The following SEMA3C variants were observed in gnomAD, a reference collection of about 807,000 sequenced individuals.
SEMA3C encodes semaphorin 3C, also known as semaphorin-3C.
In SEMA3C, 47 loss-of-function variants were observed where a neutral mutation model predicts 89.4. The ratio of observed to expected loss-of-function variants is 0.53; its 90% CI spans 0.42 to 0.67. The LOEUF is 0.67. SEMA3C is among the 30% of genes least tolerant of loss of function. The pLI is 0.00. For synonymous variants in SEMA3C, 310 were observed against 320.2 expected (o/e 0.97, Z 0.34); for missense variants, 839 against 929.1 (o/e 0.90, Z 1.26).
chr7:80,897,975 T>C (rs987097811), intron 2 of SEMA3C, among the ~76,000 whole-genome samples: 3 of 152,202 alleles, frequency 2.0e-5, no homozygotes, highest in Non-Finnish European at 2.9e-5. Flanking sequence ...ATTAAAACTC[T>C]TGCCAATTGT....
chr7:80,871,749 T>C (rs1791064655), intron 2 of SEMA3C, among the ~76,000 whole-genome samples: 1 of 152,204 alleles, frequency 6.6e-6, no homozygotes, highest in Non-Finnish European at 1.5e-5. Context: ...TATGTATTTA[T>C]AAAGCAACAG....
At chr7:80,850,756 T>A (rs970205004) in intron 2 of SEMA3C, among the ~76,000 whole-genome samples, 2 of 152,202 alleles carry the variant, frequency 1.3e-5, no homozygotes, top group Non-Finnish European at 2.9e-5. Context: ...TCTATGCTCA[T>A]TTGTTGATAA....
At chr7:80,849,434 A>G (rs1185739298) in intron 2 of SEMA3C, among the ~76,000 whole-genome samples, 1 of 151,144 alleles carries the variant, frequency 6.6e-6, no homozygotes, top group East Asian at 2.1e-4. Context: ...CTGATCAACT[A>G]TAAGTTTCTT....
chr7:80,816,904 A>G (rs1232004373), intron 5 of SEMA3C, among the ~76,000 whole-genome samples: 1 of 152,226 alleles, frequency 6.6e-6, no homozygotes, highest in African/African-American at 2.4e-5. Context: ...CAATTCGTAC[A>G]TGGGAAAATA....
intron 5 of SEMA3C, among the ~76,000 whole-genome samples, chr7:80,815,674 G>C (rs1789590612): frequency 6.7e-6 from 1 of 150,240 alleles, no homozygotes; most frequent in Non-Finnish European, 1.5e-5. Context: ...TTCTGAAACA[G>C]AAAAAATCCT....
intron 2 of SEMA3C, among the ~76,000 whole-genome samples, chr7:80,842,543 G>T (rs1562901434): frequency 6.6e-6 from 1 of 152,026 alleles, no homozygotes; most frequent in Non-Finnish European, 1.5e-5. Context: ...TGGAAATAAG[G>T]CGCACTTAAA....
intron 2 of SEMA3C, among the ~76,000 whole-genome samples, chr7:80,896,569 T>C (rs1173126315): frequency 6.6e-6 from 1 of 152,168 alleles, no homozygotes; most frequent in Non-Finnish European, 1.5e-5. Context: ...AACAGAAAAG[T>C]TGTCTTAGCC....
intron 2 of SEMA3C, among the ~76,000 whole-genome samples, chr7:80,845,099 CCCCCT>C (rs1430313686): frequency 1.3e-5 from 2 of 152,114 alleles, no homozygotes; most frequent in African/African-American, 4.8e-5. Flanking sequence ...TACGACCTCT[CCCCCT>C]CCACTGTTTA....
intron 2 of SEMA3C, among the ~76,000 whole-genome samples, chr7:80,833,268 AC>A (rs1790050587): frequency 6.6e-6 from 1 of 152,010 alleles, no homozygotes; most frequent in Non-Finnish European, 1.5e-5. Flanking sequence ...CCCCATCTCT[AC>A]TAAAAATACA....
chr7:80,788,828 G>A (rs949838605), intron 12 of SEMA3C, among the ~76,000 whole-genome samples: 4 of 152,124 alleles, frequency 2.6e-5, no homozygotes, highest in Non-Finnish European at 5.9e-5. Flanking sequence ...GTCTGTTTCA[G>A]TTGAAAGGAA....
At chr7:80,874,823 T>TA (rs1791161722) in intron 2 of SEMA3C, among the ~76,000 whole-genome samples, 1 of 151,860 alleles carries the variant, frequency 6.6e-6, no homozygotes. Context: ...AATGGTGTTT[T>TA]AAAAAAATAG....
chr7:80,754,838 C>T (rs915636730), intron 15 of SEMA3C, among the ~76,000 whole-genome samples: 12 of 151,992 alleles, frequency 7.9e-5, no homozygotes, highest in Middle Eastern at 3.4e-3. Flanking sequence ...AGTGCAATGG[C>T]GCGATCTCAG....
At chr7:80,806,421 A>G (rs1583895588) in intron 6 of SEMA3C, among the ~76,000 whole-genome samples, 1 of 152,186 alleles carries the variant, frequency 6.6e-6, no homozygotes, top group Non-Finnish European at 1.5e-5. Flanking sequence ...GTAATCACTA[A>G]AAGTACATAT....
Position 80,862,668 on chromosome 7 carries a change from GA to G in SEMA3C, c.104-33924del, listed in dbSNP as rs1184254115. On this transcript the variant is annotated intron_variant, in intron 2 of 17. Transcript: ENST00000265361. ...CTAAGCAAAAAGAACAAATCTTGAG[GA>G]ATCACTCTACCTGATTTCAAACTAT... 2.0e-5 allele frequency among the ~76,000 whole-genome samples: 3 copies of G among 152,098 alleles called. No individual in the cohort carries two copies. In the East Asian group the frequency reaches 5.8e-4, roughly 29 times the overall value.
At chr7:80,842,786 C>G (rs893774620) in intron 2 of SEMA3C, among the ~76,000 whole-genome samples, 2 of 151,710 alleles carry the variant, frequency 1.3e-5, no homozygotes, top group African/African-American at 4.8e-5. Flanking sequence ...TTAAGTCAAA[C>G]AAGCCACATT....
At chr7:80,896,924 T>C (rs56986908) in intron 2 of SEMA3C, among the ~76,000 whole-genome samples, 2,928 of 152,216 alleles carry the variant, frequency 0.019, 88 homozygotes, top group African/African-American at 0.063. Context: ...CCTCTCCTGA[T>C]GCTCCGTCTC....
intron 2 of SEMA3C, among the ~76,000 whole-genome samples, chr7:80,874,892 C>A (rs1034297086): frequency 6.6e-6 from 1 of 152,004 alleles, no homozygotes; most frequent in African/African-American, 2.4e-5. Flanking sequence ...ACCAGCCTGA[C>A]CAACAAGATG....
chr7:80,884,256 T>C (rs1791420138), intron 2 of SEMA3C, among the ~76,000 whole-genome samples: 1 of 152,188 alleles, frequency 6.6e-6, no homozygotes, highest in Admixed American at 6.5e-5. Flanking sequence ...CCATCTGAAT[T>C]TCCACATTTT....
chr7:80,760,470 G>C (rs1788160133), intron 14 of SEMA3C, among the ~76,000 whole-genome samples: 1 of 152,106 alleles, frequency 6.6e-6, no homozygotes, highest in African/African-American at 2.4e-5. Flanking sequence ...CTCGTTACTT[G>C]GGAAAATGTT....
Sources: allele counts gnomAD v4.1 joint callset (sites outside exome capture counted in the v4.1 genomes callset), GRCh38; gene constraint gnomAD v4.1.1; transcripts MANE v1.5; gene names NCBI Gene and HGNC (gene_info 2026-07-23, HGNC 2026-07-21).